Variants in PTPRD observed in about 807,000 individuals in gnomAD.
PTPRD encodes the protein protein tyrosine phosphatase receptor type D.
Under a neutral mutation model 214.5 loss-of-function variants are expected in PTPRD, and 34 were observed. The observed-to-expected ratio is 0.16, with a 90% confidence interval of 0.12 to 0.21. PTPRD has a LOEUF of 0.21. Ranked by LOEUF, PTPRD falls within the 10% of genes least tolerant of loss-of-function variation. PTPRD has a pLI of 1.00. For missense variants in PTPRD, 2,545 were observed against 2,398.7 expected (o/e 1.06, Z -1.27); for synonymous variants, 1,128 against 845.7 (o/e 1.33, Z -5.79).
intron 8 of PTPRD, among the ~76,000 whole-genome samples, chr9:9,461,472 T>C (rs1021025649): frequency 6.6e-6 from 1 of 151,668 alleles, no homozygotes; most frequent in Non-Finnish European, 1.5e-5. Context: ...GGAATTAGAG[T>C]AGATAAAGAA....
chr9:8,959,312 C>G (rs1465937555), intron 11 of PTPRD, among the ~76,000 whole-genome samples: 1 of 151,926 alleles, frequency 6.6e-6, no homozygotes, highest in African/African-American at 2.4e-5. Flanking sequence ...AGTGAGGGCT[C>G]AGGAGAGGGG....
At chr9:9,333,034 C>T (rs1361727843) in intron 9 of PTPRD, among the ~76,000 whole-genome samples, 2 of 151,908 alleles carry the variant, frequency 1.3e-5, no homozygotes, top group African/African-American at 4.8e-5. Flanking sequence ...CGGTGGAACA[C>T]AGAGCACTTC....
intron 11 of PTPRD, among the ~76,000 whole-genome samples, chr9:8,938,428 C>A (rs2099011527): frequency 6.6e-6 from 1 of 152,120 alleles, no homozygotes; most frequent in Non-Finnish European, 1.5e-5. Flanking sequence ...ATAAATATAG[C>A]AATCATACGG....
intron 5 of PTPRD, among the ~76,000 whole-genome samples, chr9:9,909,929 G>A (rs1231291589): frequency 6.6e-6 from 1 of 151,756 alleles, no homozygotes; most frequent in African/African-American, 2.4e-5. Flanking sequence ...AATACCTATA[G>A]ATAGTAGATA....
At chr9:9,936,545 G>T (rs1455939899) in intron 5 of PTPRD, among the ~76,000 whole-genome samples, 2 of 143,248 alleles carry the variant, frequency 1.4e-5, no homozygotes, top group Non-Finnish European at 3.0e-5. Context: ...ACACCAGTTA[G>T]AATGGCGATC....
intron 3 of PTPRD, among the ~76,000 whole-genome samples, chr9:10,069,562 A>G (rs1226400919): frequency 1.3e-5 from 2 of 152,044 alleles, no homozygotes; most frequent in Non-Finnish European, 2.9e-5. Context: ...AAAACCAGAT[A>G]CAGTTATTCA....
intron 3 of PTPRD, among the ~76,000 whole-genome samples, chr9:10,288,606 C>T (rs541800049): frequency 6.6e-6 from 1 of 152,150 alleles, no homozygotes; most frequent in Admixed American, 6.5e-5. Context: ...CAGGAAAGAA[C>T]AGCAGGAGAA....
intron 3 of PTPRD, among the ~76,000 whole-genome samples, chr9:10,264,036 G>A (rs2093882713): frequency 6.6e-6 from 1 of 152,204 alleles, no homozygotes; most frequent in African/African-American, 2.4e-5. Flanking sequence ...GAGCCTGCGA[G>A]TGCACAGAAG....
At chr9:9,465,113 T>A (rs920881051) in intron 8 of PTPRD, among the ~76,000 whole-genome samples, 13 of 152,216 alleles carry the variant, frequency 8.5e-5, no homozygotes, top group Admixed American at 5.9e-4. Context: ...GTATTCCCTT[T>A]TGTGGTTTTC....
chr9:9,566,786 T>C (rs1300572253), intron 8 of PTPRD, among the ~76,000 whole-genome samples: 1 of 152,028 alleles, frequency 6.6e-6, no homozygotes, highest in Non-Finnish European at 1.5e-5. Context: ...GTGGAAAATA[T>C]TGAAAAGCGT....
chr9:10,597,845 A>T (rs1172458014), intron 2 of PTPRD, among the ~76,000 whole-genome samples: 2 of 151,862 alleles, frequency 1.3e-5, no homozygotes, highest in African/African-American at 4.8e-5. Flanking sequence ...AGTTTATATT[A>T]AGAACATAAC....
chr9:10,435,500 T>G (rs2098711322), intron 2 of PTPRD, among the ~76,000 whole-genome samples: 1 of 151,884 alleles, frequency 6.6e-6, no homozygotes, highest in Non-Finnish European at 1.5e-5. Flanking sequence ...TGAATTTTCC[T>G]TACTCCTGCT....
At chr9:8,621,990 T>C (rs2095841189) in intron 14 of PTPRD, among the ~76,000 whole-genome samples, 1 of 151,874 alleles carries the variant, frequency 6.6e-6, no homozygotes. Context: ...ATTACAAAAA[T>C]CAATTTTGCT....
chr9:9,825,147 A>C lies in PTPRD; in HGVS notation c.-367-58296T>G, dbSNP rs561769290. ...TGATGAAATACTTTTATATAATGAGACAATTCCCCTATCTGCCATTTTGTT... is the reference window on the plus strand; with the variant it reads ...TGATGAAATACTTTTATATAATGAGCCAATTCCCCTATCTGCCATTTTGTT... On this transcript the variant is annotated intron_variant, in intron 5 of 45. Coordinates refer to ENST00000381196, the MANE Select transcript of PTPRD (RefSeq NM_002839.4). Among the ~76,000 whole-genome samples, 15 of 152,020 alleles carry C rather than the reference A, an allele frequency of 9.9e-5. No individual in the cohort carries two copies. In the South Asian group the frequency reaches 2.9e-3, roughly 29 times the overall value.
intron 3 of PTPRD, among the ~76,000 whole-genome samples, chr9:10,309,357 T>A (rs371753155): frequency 6.6e-6 from 1 of 151,960 alleles, no homozygotes; most frequent in Admixed American, 6.6e-5. Context: ...TGTTTTGTTG[T>A]GTTGTGTTTT....
At chr9:9,962,420 T>C (rs1282067240) in intron 4 of PTPRD, among the ~76,000 whole-genome samples, 1 of 152,052 alleles carries the variant, frequency 6.6e-6, no homozygotes, top group Admixed American at 6.6e-5. Context: ...AAATCCTTTA[T>C]AAAGAAAATT....
chr9:10,597,750 T>C (rs149102739), intron 2 of PTPRD, among the ~76,000 whole-genome samples: 2 of 151,808 alleles, frequency 1.3e-5, no homozygotes, highest in African/African-American at 4.8e-5. Context: ...TCAGAATTAA[T>C]TGAAATTATT....
intron 12 of PTPRD, among the ~76,000 whole-genome samples, chr9:8,717,879 C>A (rs1357957900): frequency 6.6e-6 from 1 of 152,208 alleles, no homozygotes; most frequent in Admixed American, 6.5e-5. Flanking sequence ...CAATAAGGAA[C>A]CCGCTCCTGG....
chr9:10,412,915 C>T (rs1188810630), intron 2 of PTPRD, among the ~76,000 whole-genome samples: 3 of 151,830 alleles, frequency 2.0e-5, no homozygotes, highest in Non-Finnish European at 4.4e-5. Flanking sequence ...TTCAACATCC[C>T]TTCATGTTAA....
Sources: allele counts gnomAD v4.1 joint callset (sites outside exome capture counted in the v4.1 genomes callset), GRCh38; gene constraint gnomAD v4.1.1; transcripts MANE v1.5; gene names NCBI Gene and HGNC (gene_info 2026-07-23, HGNC 2026-07-21).